TMEM39B: variants seen among roughly 807,000 people sequenced by gnomAD.
TMEM39B encodes transmembrane protein 39B.
TMEM39B carries 23 observed loss-of-function variants against 52.2 expected under a neutral mutation model. That is an observed-to-expected ratio of 0.44 (90% CI 0.32 to 0.62). The LOEUF is 0.62. TMEM39B is among the 20% of genes least tolerant of loss of function. The probability of loss-of-function intolerance (pLI) is 0.06; values close to 1 mark genes in which losing one functional copy is unlikely to be tolerated. For synonymous variants in TMEM39B, 285 were observed against 264.0 expected (o/e 1.08, Z -0.77); for missense variants, 547 against 642.0 (o/e 0.85, Z 1.60).
Position 32,075,691 on chromosome 1 carries a change from G to T in TMEM39B, c.220G>T (p.Val74Phe). ...LQHCKIPELP[V>F]QASILFELQL... ...GCACTGCAAGATCCCCGAGCTGCCA[G>T]TCCAGGCCAGCATTCTGTTTGAGTT... Residue 74 changes from valine to phenylalanine, a missense_variant, in exon 3 of 9, where the codon GTC becomes TTC. By Grantham distance (50) the Val-to-Phe change is conservative. Transcript: ENST00000336294. 6.4e-7 allele frequency: 1 copy of T among 1,551,828 alleles called. No homozygotes were observed. The highest frequency in any genetic ancestry group is 8.7e-7 in the Non-Finnish European group (1 of 1,147,034).
chr1:32,095,095 T>C, intron 7 of TMEM39B, 124 bp downstream of exon 7: 5 of 1,175,990 alleles, frequency 4.3e-6, no homozygotes, highest in East Asian at 2.6e-5. Context: ...TTGTATATTA[T>C]TAGGCCAGGT....
rs115613895 is a variant in TMEM39B at position 32,077,372 on chromosome 1, G to T, written c.590+54G>T. On this transcript the variant is annotated intron_variant, in intron 5 of 8. Transcript: ENST00000336294. ...GCCCAGCACCTGGCCCCTGACCTCT[G>T]CCCTGACCGTAGCTGGCTCACCAGG... The T allele has an allele frequency of 1.6e-3, 2,545 of 1,598,656 alleles. 39 individuals are homozygous for T. The African/African-American group carries it at 0.029, about 18-fold the overall frequency.
intron 8 of TMEM39B, 61 bp downstream of exon 8, chr1:32,100,623 C>T: frequency 6.2e-7 from 1 of 1,606,764 alleles, no homozygotes; most frequent in Non-Finnish European, 8.5e-7. Flanking sequence ...ATCTGCAGGG[C>T]AGGAATGTGA....
intron 5 of TMEM39B, among the ~76,000 whole-genome samples, chr1:32,078,646 TTTTG>T (rs1328920574): frequency 6.6e-6 from 1 of 152,210 alleles, no homozygotes; most frequent in East Asian, 1.9e-4. Context: ...CATGCAGTTT[TTTTG>T]TTTGTTTGTT....
chr1:32,092,775 G>A (rs1640658690), intron 6 of TMEM39B, among the ~76,000 whole-genome samples: 1 of 152,060 alleles, frequency 6.6e-6, no homozygotes, highest in African/African-American at 2.4e-5. Context: ...ACAGGCATGA[G>A]CCACCACACC....
chr1:32,097,870 G>C (rs1043629435), intron 7 of TMEM39B, among the ~76,000 whole-genome samples: 3 of 151,518 alleles, frequency 2.0e-5, no homozygotes, highest in African/African-American at 7.3e-5. Flanking sequence ...CTGACCTCAT[G>C]ATCCATCCGC....
At chr1:32,083,571 C>T (rs1224217199) in intron 5 of TMEM39B, among the ~76,000 whole-genome samples, 4 of 150,360 alleles carry the variant, frequency 2.7e-5, no homozygotes, top group Admixed American at 6.7e-5. Flanking sequence ...TACACGCGCC[C>T]GCCACCACGC....
chr1:32,077,227 G>A lies in TMEM39B; in HGVS notation c.499G>A (p.Val167Ile), dbSNP rs768934843. ...CCTGCTGTTCCTCACTCGCTTCACC[G>A]TTCTCACGGCAACAGGCTGGAGTCT... The part of the protein sequence containing the change: ...SILLFLTRFT[V>I]LTATGWSLCR... Residue 167 changes from valine to isoleucine, a missense_variant, in exon 5 of 9, where the codon GTT (valine) becomes ATT (isoleucine). Coordinates refer to ENST00000336294, the MANE Select transcript of TMEM39B (RefSeq NM_018056.4). 2.1e-5 allele frequency: 34 copies of A among 1,613,964 alleles called. No individual in the cohort carries two copies. Among genetic ancestry groups the A allele is most frequent in the Non-Finnish European group, 2.5e-5 (29 of 1,180,034 alleles).
intron 8 of TMEM39B, among the ~76,000 whole-genome samples, chr1:32,101,218 C>T (rs1641007109): frequency 6.6e-6 from 1 of 152,052 alleles, no homozygotes; most frequent in Admixed American, 6.6e-5. Context: ...CTCAGCCTTA[C>T]CCTGAACCTT....
At chr1:32,102,384 G>T in intron 8 of TMEM39B, 47 bp from the exon 9 acceptor site, 3 of 1,583,034 alleles carry the variant, frequency 1.9e-6, no homozygotes, top group South Asian at 1.2e-5. Context: ...CCAGGAGGAA[G>T]ATTTCTGGAG....
At chr1:32,083,412 T>C (rs1640200761) in intron 5 of TMEM39B, among the ~76,000 whole-genome samples, 2 of 115,680 alleles carry the variant, frequency 1.7e-5, no homozygotes, top group South Asian at 6.7e-4. Flanking sequence ...AGGACTTCTT[T>C]TTTTTTTTTT....
At chr1:32,087,133 C>CA (rs964964054) in intron 5 of TMEM39B, 10 of 151,952 alleles carry the variant, frequency 6.6e-5, no homozygotes, top group Admixed American at 5.9e-4. Flanking sequence ...TAAAACATCT[C>CA]AAAATATTCA....
In TMEM39B at chr1:32,102,687, C is replaced by T. The variant is rs963213405; in HGVS notation, c.*14C>T. 2 of 1,502,728 alleles carry T rather than the reference C, an allele frequency of 1.3e-6. No homozygotes were observed. The highest frequency in any genetic ancestry group is 1.8e-6 in the Non-Finnish European group (2 of 1,120,640). 93.1% of individuals were successfully genotyped at this position (1,502,728 alleles called of 1,614,324 possible). On this transcript the variant is annotated 3_prime_UTR_variant, in exon 9 of 9. Transcript: ENST00000336294. ...CGTTTCTCCTGAGCCCTGGGGTCACCTCAGGGACAGCGTCCAGGCTTCAGC... is the reference window on the plus strand; with the variant it reads ...CGTTTCTCCTGAGCCCTGGGGTCACTTCAGGGACAGCGTCCAGGCTTCAGC...
chr1:32,096,454 T>A (rs1282037100), intron 7 of TMEM39B, among the ~76,000 whole-genome samples: 4 of 134,994 alleles, frequency 3.0e-5, no homozygotes, highest in African/African-American at 8.6e-5. Context: ...CTCTGGCCTT[T>A]TTTTTTTTTT....
At chr1:32,095,083 T>C (rs572796936) in intron 7 of TMEM39B, 112 bp downstream of exon 7, 1 of 1,282,946 alleles carries the variant, frequency 7.8e-7, no homozygotes, top group South Asian at 1.4e-5. Flanking sequence ...ATTGAGCGTG[T>C]CTTGTATATT....
chr1:32,099,529 G>C (rs541441440), intron 7 of TMEM39B, among the ~76,000 whole-genome samples: 2 of 152,246 alleles, frequency 1.3e-5, no homozygotes, highest in African/African-American at 4.8e-5. Context: ...AGGAACCTGG[G>C]TTTTGAAAGA....
At chr1:32,084,530 ATACT>A (rs1353477065) in intron 5 of TMEM39B, among the ~76,000 whole-genome samples, 1 of 152,026 alleles carries the variant, frequency 6.6e-6, no homozygotes, top group Admixed American at 6.6e-5. Flanking sequence ...TTCTGCCCTC[ATACT>A]TGATTGATAG....
intron 5 of TMEM39B, among the ~76,000 whole-genome samples, chr1:32,080,097 C>T (rs1569871012): frequency 6.6e-6 from 1 of 151,804 alleles, no homozygotes; most frequent in East Asian, 2.0e-4. Context: ...ACCGTGTTAG[C>T]CAGGATGGTC....
In TMEM39B at chr1:32,093,550, T is replaced by G. The variant is rs530515056; in HGVS notation, c.928-1234T>G. ...CCTTAGCCTCCTGAATGTCTGGGACTACAGGTGTGCAGCACCATGCCCGGC... is the reference window on the plus strand; with the variant it reads ...CCTTAGCCTCCTGAATGTCTGGGACGACAGGTGTGCAGCACCATGCCCGGC... On this transcript the variant is annotated intron_variant, in intron 6 of 8. Transcript: ENST00000336294. Among the ~76,000 whole-genome samples the G allele has an allele frequency of 2.6e-5, 4 of 151,112 alleles. No homozygotes were observed. The East Asian group carries it at 7.8e-4, about 30-fold the overall frequency.
Sources: gnomAD v4.1 joint callset for allele counts (sites outside exome capture counted in the v4.1 genomes callset) on GRCh38, gnomAD v4.1.1 for gene constraint, MANE v1.5 for transcripts, NCBI Gene and HGNC (gene_info 2026-07-23, HGNC 2026-07-21) for gene names.